Variants in ANKRD11 observed in about 807,000 individuals in gnomAD.
The protein encoded by ANKRD11 is ankyrin repeat domain-containing protein 11.
Under a neutral mutation model 195.7 loss-of-function variants are expected in ANKRD11, and 17 were observed. That is an observed-to-expected ratio of 0.09 (90% confidence interval 0.06 to 0.13). The LOEUF is 0.13. ANKRD11 is among the 10% of genes least tolerant of loss of function. ANKRD11 has a pLI of 1.00. For missense variants in ANKRD11, 3,735 were observed against 3,566.1 expected, an observed-to-expected ratio of 1.05 and a Z score of -1.21; for synonymous variants, 1,953 against 1,528.1, an observed-to-expected ratio of 1.28 and a Z score of -6.49.
At position 89,279,799 on chromosome 16, in the gene ANKRD11, T is replaced by A; in HGVS notation, c.6743A>T (p.Gln2248Leu). 1 of 1,539,388 alleles carries A rather than the reference T, an allele frequency of 6.5e-7. No individual in the cohort carries two copies. Among genetic ancestry groups the A allele is most frequent in the Non-Finnish European group, 8.7e-7 (1 of 1,146,442 alleles). Reference sequence around the variant, plus strand: ...CTGGTCTCCGCTCCCCAGTGGGCGCTGTTCTGGGGGAACGGGCGCGGGCTC... The same window carrying A: ...CTGGTCTCCGCTCCCCAGTGGGCGCAGTTCTGGGGGAACGGGCGCGGGCTC... ...SVEPAPVPPE[Q>L]RPLGSGDQGA... Residue 2248 changes from glutamine to leucine, a missense_variant, in exon 9 of 13, where the codon CAG (glutamine) becomes CTG (leucine). By Grantham distance (113) the Gln-to-Leu change is moderately radical. Transcript: ENST00000301030. The surrounding 1 kb of genome is among the most constrained non-coding windows in gnomAD (Gnocchi z 5.6).
At chr16:89,380,008 T>G (rs2152102318) in intron 2 of ANKRD11, among the ~76,000 whole-genome samples, 1 of 152,272 alleles carries the variant, frequency 6.6e-6, no homozygotes, top group Admixed American at 6.5e-5. Context: ...CCCTCAAGCT[T>G]CAGTCCAGGT....
intron 2 of ANKRD11, among the ~76,000 whole-genome samples, chr16:89,321,989 G>A (rs1020653672): frequency 2.6e-5 from 4 of 152,156 alleles, no homozygotes; most frequent in South Asian, 2.1e-4. Flanking sequence ...GTATTTTCAC[G>A]TCTCTAGTTT....
chr16:89,371,109 C>T (rs995149978), intron 2 of ANKRD11, among the ~76,000 whole-genome samples: 6 of 152,158 alleles, frequency 3.9e-5, no homozygotes, highest in East Asian at 1.9e-4. Flanking sequence ...CTGAAAACCG[C>T]CGAGGGGGAA....
chr16:89,450,627 C>G (rs1567823091), intron 1 of ANKRD11, among the ~76,000 whole-genome samples: 1 of 152,160 alleles, frequency 6.6e-6, no homozygotes, highest in Non-Finnish European at 1.5e-5. Flanking sequence ...GCTATGCATA[C>G]ATTCCTAAAC....
At chr16:89,473,245 G>T (rs1336837485) in intron 1 of ANKRD11, among the ~76,000 whole-genome samples, 5 of 151,738 alleles carry the variant, frequency 3.3e-5, no homozygotes, top group South Asian at 2.1e-4. Flanking sequence ...GTCAGGGAAA[G>T]GAGAGAAGGG....
chr16:89,463,823 T>C (rs2056787217), intron 1 of ANKRD11, among the ~76,000 whole-genome samples: 1 of 152,226 alleles, frequency 6.6e-6, no homozygotes, highest in African/African-American at 2.4e-5. Flanking sequence ...TTAAGTTTAA[T>C]GCTCCCATGG....
At chr16:89,326,670 A>T (rs1024745977) in intron 2 of ANKRD11, among the ~76,000 whole-genome samples, 1 of 152,182 alleles carries the variant, frequency 6.6e-6, no homozygotes, top group African/African-American at 2.4e-5. Flanking sequence ...TGGGCCCAGG[A>T]GGTCGAGGCT....
intron 1 of ANKRD11, among the ~76,000 whole-genome samples, chr16:89,485,225 T>C (rs2057569279): frequency 6.6e-6 from 1 of 151,950 alleles, no homozygotes; most frequent in Non-Finnish European, 1.5e-5. Context: ...AGTTCACACC[T>C]GTAATCCCAG....
rs772567539 is a variant in ANKRD11, at chr16:89,279,981, C to A, written c.6561G>T (p.Pro2187=). The change falls in exon 9 of 13, where the codon CCG becomes CCT. Residue 2187 remains proline (P), a synonymous_variant. Coordinates refer to ENST00000301030, the MANE Select transcript of ANKRD11 (RefSeq NM_013275.6). The surrounding 1 kb of genome is among the most constrained non-coding windows in gnomAD (Gnocchi z 5.6). ...AGGCCTGGTCAGGAGGCAGTGCCGG[C>A]GGCTCCTCAGCCACTACGGTGGAAA... ...GDVSTVVAEE[P]PALPPDQAST... 1 of 1,611,134 alleles carries A rather than the reference C, an allele frequency of 6.2e-7. No individual in the cohort carries two copies. The highest frequency in any genetic ancestry group is 2.2e-5 in the East Asian group (1 of 44,870).
rs989114946 is a variant in ANKRD11 at position 89,330,272 on chromosome 16, C to G, written c.-59-13194G>C. ...TCAACAATGACCATGCAGCCACCAC[C>G]ACACCAGGAGCATTCCTGACAGCAC... is the stretch of plus-strand genomic sequence containing the variant. On this transcript the variant is annotated intron_variant, in intron 2 of 12. Coordinates refer to ENST00000301030, the MANE Select transcript of ANKRD11 (RefSeq NM_013275.6). Among the ~76,000 whole-genome samples the G allele has an allele frequency of 2.0e-5, 3 of 152,220 alleles. No homozygotes were observed. The East Asian group carries it at 5.8e-4, about 29-fold the overall frequency.
Position 89,462,861 on chromosome 16 carries a change from G to A in ANKRD11, c.-145+27384C>T, listed in dbSNP as rs573898627. On this transcript the variant is annotated intron_variant, in intron 1 of 12. Coordinates refer to ENST00000301030, the MANE Select transcript of ANKRD11 (RefSeq NM_013275.6). ...CCACCCCGTCTGGGAAGTGAGGAGC[G>A]TCTCCGCCCAGCAGCCGCCCCATCC... 5.3e-3 allele frequency among the ~76,000 whole-genome samples: 803 copies of A among 150,588 alleles called. 5 individuals are homozygous for A. The highest frequency in any genetic ancestry group is 0.019 in the African/African-American group (776 of 40,850).
intron 1 of ANKRD11, among the ~76,000 whole-genome samples, chr16:89,426,568 A>ACACAT (rs1320103877): frequency 2.5e-5 from 2 of 81,620 alleles, no homozygotes; most frequent in Non-Finnish European, 5.5e-5. Flanking sequence ...CACACACACA[A>ACACAT]ATCTGAAATC....
At chr16:89,434,602 C>G (rs1242147402) in intron 1 of ANKRD11, among the ~76,000 whole-genome samples, 3 of 152,132 alleles carry the variant, frequency 2.0e-5, no homozygotes, top group Non-Finnish European at 4.4e-5. Flanking sequence ...AAAGCTGGCC[C>G]GACAATCCAT....
intron 2 of ANKRD11, among the ~76,000 whole-genome samples, chr16:89,388,376 C>T (rs772934290): frequency 2.1e-5 from 3 of 144,498 alleles, no homozygotes; most frequent in Non-Finnish European, 3.0e-5. Context: ...GTGATCTGCC[C>T]GCCTTGGCCT....
At chr16:89,310,393 T>G (rs909018910) in intron 3 of ANKRD11, among the ~76,000 whole-genome samples, 2 of 152,232 alleles carry the variant, frequency 1.3e-5, no homozygotes, top group African/African-American at 2.4e-5. Flanking sequence ...CCAATTCTGT[T>G]CTTTCTCAAG....
intron 1 of ANKRD11, among the ~76,000 whole-genome samples, chr16:89,428,441 T>G (rs1352891036): frequency 6.6e-6 from 1 of 151,238 alleles, no homozygotes; most frequent in Non-Finnish European, 1.5e-5. Flanking sequence ...CAGGAAAATG[T>G]TGTGAACCTG....
chr16:89,476,724 C>G (rs964536241), intron 1 of ANKRD11, among the ~76,000 whole-genome samples: 1 of 152,238 alleles, frequency 6.6e-6, no homozygotes, highest in African/African-American at 2.4e-5. Flanking sequence ...GTATACTACA[C>G]TTCCAGCAAA....
intron 2 of ANKRD11, among the ~76,000 whole-genome samples, chr16:89,411,567 C>T (rs1404071388): frequency 6.6e-6 from 1 of 152,148 alleles, no homozygotes; most frequent in Non-Finnish European, 1.5e-5. Flanking sequence ...GCACACACAA[C>T]CACGCCTGGC....
chr16:89,338,031 T>C (rs1166504148), intron 2 of ANKRD11, among the ~76,000 whole-genome samples: 1 of 152,126 alleles, frequency 6.6e-6, no homozygotes, highest in Admixed American at 6.5e-5. Context: ...GCCAGTATCA[T>C]GGTGACTCCC....
Sources: gnomAD v4.1 joint callset for allele counts (sites outside exome capture counted in the v4.1 genomes callset) on GRCh38, gnomAD v4.1.1 for gene constraint, Gnocchi (gnomAD v3.1) non-coding constraint, MANE v1.5 for transcripts, NCBI Gene and HGNC (gene_info 2026-07-23, HGNC 2026-07-21) for gene names.